Variants in RBFOX1 observed in about 807,000 individuals in gnomAD.
RBFOX1 encodes RNA binding fox-1 homolog 1.
RBFOX1 carries 8 observed loss-of-function variants against 57.7 expected under a neutral mutation model. The ratio of observed to expected loss-of-function variants is 0.14; its 90% CI spans 0.08 to 0.25. The LOEUF (loss-of-function observed/expected upper bound fraction) is 0.25, where lower values mean the gene tolerates loss of function less well. Among genes scored for constraint, RBFOX1 ranks in the 10% least tolerant of loss-of-function variants. The pLI, the probability that RBFOX1 is intolerant of heterozygous loss-of-function variation, is 1.00. For missense variants in RBFOX1, 611 were observed against 548.5 expected, an observed-to-expected ratio of 1.11 and a Z score of -1.14; for synonymous variants, 326 against 222.4, an observed-to-expected ratio of 1.47 and a Z score of -4.15.
At chr16:7,188,907 A>G (rs980819802) in intron 4 of RBFOX1, among the ~76,000 whole-genome samples, 31 of 152,168 alleles carry the variant, frequency 2.0e-4, no homozygotes, top group Non-Finnish European at 3.7e-4. Flanking sequence ...ACAGCTAAGG[A>G]TTGGGGAAAG....
intron 4 of RBFOX1, among the ~76,000 whole-genome samples, chr16:7,284,456 G>T (rs558119468): frequency 6.6e-6 from 1 of 151,822 alleles, no homozygotes. Flanking sequence ...TCAGCCTCCT[G>T]AGTAGCTGGG....
intron 4 of RBFOX1, among the ~76,000 whole-genome samples, chr16:7,331,858 A>T (rs995359049): frequency 3.3e-5 from 5 of 152,188 alleles, no homozygotes; most frequent in African/African-American, 1.2e-4. Flanking sequence ...CTAGGAATTT[A>T]TCTGCTCCTA....
intron 3 of RBFOX1, among the ~76,000 whole-genome samples, chr16:6,674,687 T>C (rs1385386315): frequency 6.6e-6 from 1 of 151,892 alleles, no homozygotes; most frequent in Non-Finnish European, 1.5e-5. Flanking sequence ...GAAGAAACCA[T>C]GTGTTGATGG....
chr16:7,710,937 G>A lies in RBFOX1; in HGVS notation c.*192G>A, dbSNP rs1224125370. 1.3e-5 allele frequency: 9 copies of A among 670,254 alleles called. No homozygotes were observed. Among genetic ancestry groups the A allele is most frequent in the African/African-American group, 1.9e-5 (1 of 52,844 alleles). 41.5% of individuals were successfully genotyped at this position (670,254 alleles called of 1,614,324 possible). On this transcript the variant is annotated 3_prime_UTR_variant, in exon 16 of 16. Transcript: ENST00000550418. ...TGTTCTGTGTATTTTAATATTGTGG[G>A]TCTTTAATTTCTGAAGGTTCCGTAG...
At chr16:7,032,840 G>A (rs984897206) in intron 3 of RBFOX1, among the ~76,000 whole-genome samples, 16 of 152,134 alleles carry the variant, frequency 1.1e-4, no homozygotes, top group Non-Finnish European at 1.2e-4. Context: ...TCATGGCATA[G>A]CCACTCTGGG....
chr16:6,271,928 A>C (rs913595020), intron 1 of RBFOX1, among the ~76,000 whole-genome samples: 1 of 152,330 alleles, frequency 6.6e-6, no homozygotes, highest in East Asian at 1.9e-4. Flanking sequence ...GAGAGAAATA[A>C]GAACTTCTCA....
intron 4 of RBFOX1, among the ~76,000 whole-genome samples, chr16:7,166,421 G>A (rs929568897): frequency 6.6e-6 from 1 of 152,094 alleles, no homozygotes; most frequent in Non-Finnish European, 1.5e-5. Context: ...GAAAACTATA[G>A]AGGAGTCCAT....
chr16:7,259,034 G>A (rs4786141), intron 4 of RBFOX1, among the ~76,000 whole-genome samples: 1 of 151,906 alleles, frequency 6.6e-6, no homozygotes, highest in Non-Finnish European at 1.5e-5. Context: ...TAGTGATCAC[G>A]TCTACCTTTG....
At chr16:6,605,880 AC>A (rs1357765381) in intron 2 of RBFOX1, among the ~76,000 whole-genome samples, 1 of 152,078 alleles carries the variant, frequency 6.6e-6, no homozygotes, top group Non-Finnish European at 1.5e-5. Context: ...CGGGTGGATC[AC>A]TTGAGGGCAG....
intron 3 of RBFOX1, among the ~76,000 whole-genome samples, chr16:6,892,903 C>G (rs1194886841): frequency 6.6e-6 from 1 of 151,904 alleles, no homozygotes; most frequent in African/African-American, 2.4e-5. Context: ...CACTCACTCT[C>G]AGTCTTTGCT....
intron 2 of RBFOX1, among the ~76,000 whole-genome samples, chr16:6,587,701 A>T (rs2097649716): frequency 6.6e-6 from 1 of 152,130 alleles, no homozygotes; most frequent in East Asian, 1.9e-4. Flanking sequence ...CAGAGAGATG[A>T]TTTTTCAAAG....
At chr16:6,521,739 C>G (rs1379905395) in intron 2 of RBFOX1, among the ~76,000 whole-genome samples, 2 of 152,060 alleles carry the variant, frequency 1.3e-5, no homozygotes, top group East Asian at 1.9e-4. Flanking sequence ...ATTTCTGGGA[C>G]TTGACTTTAG....
chr16:7,232,854 T>TA (rs35209426), intron 4 of RBFOX1, among the ~76,000 whole-genome samples: 46,341 of 128,556 alleles, frequency 0.36, 10,141 homozygotes, highest in African/African-American at 0.64. Flanking sequence ...ATCTCTTAAT[T>TA]AAAAAAAAAA....
At chr16:7,040,559 C>G (rs1441010885) in intron 3 of RBFOX1, among the ~76,000 whole-genome samples, 1 of 150,026 alleles carries the variant, frequency 6.7e-6, no homozygotes, top group African/African-American at 2.5e-5. Context: ...GCTTCTCTGT[C>G]CCTTCTTCTC....
chr16:6,734,394 G>C (rs1488412190), intron 3 of RBFOX1, among the ~76,000 whole-genome samples: 3 of 152,116 alleles, frequency 2.0e-5, no homozygotes, highest in Non-Finnish European at 4.4e-5. Flanking sequence ...CTAATTTACT[G>C]AACACTGACA....
chr16:5,990,882 G>A (rs750220852), intron 4 of RBFOX1, among the ~76,000 whole-genome samples: 4 of 152,178 alleles, frequency 2.6e-5, no homozygotes, highest in Non-Finnish European at 5.9e-5. Context: ...GCTGAGGCAG[G>A]AGACTCGCTT....
intron 2 of RBFOX1, among the ~76,000 whole-genome samples, chr16:6,413,287 C>A (rs540524308): frequency 6.7e-6 from 1 of 150,130 alleles, no homozygotes; most frequent in Non-Finnish European, 1.5e-5. Flanking sequence ...CCATTGCACT[C>A]CAGCCTGCGC....
intron 1 of RBFOX1, among the ~76,000 whole-genome samples, chr16:6,272,895 A>C (rs563317290): frequency 6.6e-6 from 1 of 152,166 alleles, no homozygotes; most frequent in African/African-American, 2.4e-5. Context: ...AAAATTTTAC[A>C]TTTTATACAA....
At chr16:5,492,785 T>C (rs1474973508) in intron 2 of RBFOX1, among the ~76,000 whole-genome samples, 1 of 152,248 alleles carries the variant, frequency 6.6e-6, no homozygotes, top group Non-Finnish European at 1.5e-5. Flanking sequence ...AAGTCATGAA[T>C]ATCTCACTCT....
Sources: allele counts gnomAD v4.1 joint callset (sites outside exome capture counted in the v4.1 genomes callset), GRCh38; gene constraint gnomAD v4.1.1; transcripts MANE v1.5; gene names NCBI Gene and HGNC (gene_info 2026-07-23, HGNC 2026-07-21).